Variants in SPOCK2 observed in about 807,000 individuals in gnomAD.
SPOCK2 encodes the protein SPARC (osteonectin), cwcv and kazal like domains proteoglycan 2.
Under a neutral mutation model 60.1 loss-of-function variants are expected in SPOCK2, and 39 were observed. That is an observed-to-expected ratio of 0.65 (90% confidence interval 0.50 to 0.85). SPOCK2 has a LOEUF of 0.85. SPOCK2 is among the 40% of genes least tolerant of loss of function. The pLI is 0.00. For missense variants in SPOCK2, 523 were observed against 567.4 expected (o/e 0.92, Z 0.80); for synonymous variants, 217 against 231.5 (o/e 0.94, Z 0.57).
rs1351794715 is a variant in SPOCK2 at position 72,087,372 on chromosome 10, T to C, written c.189+768A>G. On this transcript the variant is annotated intron_variant, in intron 1 of 10. Transcript: ENST00000373109. This position sits in a 1 kb window ranked among gnomAD's most constrained non-coding sequence, Gnocchi z 4.7. Reference sequence around the variant, plus strand: ...CCCGCCGGGGGCCCCCAAACCCAGCTTCTGGACTCTCCCCGGCTTCTCAAG... The same window carrying C: ...CCCGCCGGGGGCCCCCAAACCCAGCCTCTGGACTCTCCCCGGCTTCTCAAG... Among the ~76,000 whole-genome samples, 1 of 151,824 alleles carries C rather than the reference T, an allele frequency of 6.6e-6. No individual in the cohort carries two copies. Among genetic ancestry groups the C allele is most frequent in the African/African-American group, 2.4e-5 (1 of 41,342 alleles).
chr10:72,083,726 G>C (rs1021399963), intron 1 of SPOCK2, among the ~76,000 whole-genome samples: 49 of 152,216 alleles, frequency 3.2e-4, no homozygotes, highest in African/African-American at 1.2e-3. Context: ...AGAAGGTGGG[G>C]TGGAGGGGAG....
chr10:72,070,415 G>T lies in SPOCK2; in HGVS notation c.371C>A (p.Pro124Gln). The change falls in exon 5 of 11, where the codon CCG (proline) becomes CAG (glutamine). Residue 124 changes from proline (P) to glutamine (Q), a missense_variant. Coordinates refer to ENST00000373109, the MANE Select transcript of SPOCK2 (RefSeq NM_001244950.2). ...RKKLEHRIKQ[P>Q]TVKLHGNKDS... ...TTTGTTTCCATGGAGTTTCACGGTCGGCTGCTTGATCCTACAGGAGAGGGT... is the reference window on the plus strand; with the variant it reads ...TTTGTTTCCATGGAGTTTCACGGTCTGCTGCTTGATCCTACAGGAGAGGGT... 2 of 1,614,124 alleles carry T rather than the reference G, an allele frequency of 1.2e-6. No individual in the cohort carries two copies. Among genetic ancestry groups the T allele is most frequent in the Non-Finnish European group, 1.7e-6 (2 of 1,179,990 alleles).
chr10:72,086,455 A>G (rs1840855701), intron 1 of SPOCK2: 1 of 1,053,974 alleles, frequency 9.5e-7, no homozygotes, highest in Non-Finnish European at 1.1e-6. Context: ...TCTGACCTTC[A>G]CTGGTCCCAT....
chr10:72,078,831 C>T (rs1034871337), intron 1 of SPOCK2, among the ~76,000 whole-genome samples: 3 of 152,182 alleles, frequency 2.0e-5, no homozygotes, highest in Admixed American at 6.5e-5. Context: ...CTGTGCCTCA[C>T]AGAAGTCTAC....
intron 2 of SPOCK2, 121 bp from the exon 3 acceptor site, chr10:72,072,669 G>C (rs750993093): frequency 3.4e-6 from 5 of 1,472,264 alleles, no homozygotes; most frequent in Non-Finnish European, 4.7e-6. Context: ...CCGTCATCCT[G>C]GTGGCTGACC....
In SPOCK2 at chr10:72,068,181, C is replaced by G; in HGVS notation, c.589+6G>C. The G allele has an allele frequency of 5.0e-6, 8 of 1,606,786 alleles. No homozygotes were observed. The highest frequency in any genetic ancestry group is 6.8e-6 in the Non-Finnish European group (8 of 1,177,038). ...CCCTAGCCTGGTGGCCCAGCACTGT[C>G]CTCACCTGGTTTGCCATCGGCGGTG... On this transcript the variant is annotated splice_donor_region_variant and intron_variant, in intron 6 of 10. Coordinates refer to ENST00000373109, the MANE Select transcript of SPOCK2 (RefSeq NM_001244950.2).
chr10:72,059,288 T>C lies in SPOCK2; in HGVS notation c.*3472A>G, dbSNP rs3824621. On this transcript the variant is annotated 3_prime_UTR_variant, in exon 11 of 11. Coordinates refer to ENST00000373109, the MANE Select transcript of SPOCK2 (RefSeq NM_001244950.2). The stretch of plus-strand genomic sequence containing the variant: ...CACAGTCTAACACTTTGTTTTTCAA[T>C]TTTTTAAAAGACATCTAAAATTACT... 0.13 allele frequency: 19,728 copies of C among 152,622 alleles called. 3,564 individuals are homozygous for C. Among genetic ancestry groups the C allele is most frequent in the African/African-American group, 0.4 (16,459 of 41,452 alleles). The allele number at this position is 152,622 out of a possible 1,614,324, so 9.5% of individuals were successfully genotyped here.
intron 1 of SPOCK2, chr10:72,086,641 G>A (rs1028572688): frequency 8.2e-6 from 10 of 1,224,060 alleles, no homozygotes; most frequent in East Asian, 5.1e-5. Flanking sequence ...GGAAGGCCTC[G>A]CGGGGCTCCA....
chr10:72,086,051 C>G (rs946278413), intron 1 of SPOCK2, among the ~76,000 whole-genome samples: 2 of 152,210 alleles, frequency 1.3e-5, no homozygotes, highest in Non-Finnish European at 2.9e-5. Flanking sequence ...AGGGCCAGGC[C>G]CTCTTGCCCA....
At chr10:72,086,492 C>T (rs1589127190) in intron 1 of SPOCK2, 2 of 1,071,696 alleles carry the variant, frequency 1.9e-6, no homozygotes, top group Non-Finnish European at 2.3e-6. Flanking sequence ...GCCAGCGAGT[C>T]GGAGGGAGGC....
chr10:72,065,104 T>C (rs796173919), intron 8 of SPOCK2, among the ~76,000 whole-genome samples: 5 of 116,032 alleles, frequency 4.3e-5, no homozygotes, highest in Admixed American at 1.7e-4. Context: ...GGCACGATCT[T>C]GGCTCACTGC....
At chr10:72,084,805 A>G (rs1668153) in intron 1 of SPOCK2, among the ~76,000 whole-genome samples, 83,766 of 151,950 alleles carry the variant, frequency 0.55, 25,321 homozygotes, top group African/African-American at 0.81. Flanking sequence ...TATCTCCCAG[A>G]TCCTTGAGAG....
chr10:72,072,761 C>G, intron 2 of SPOCK2, 141 bp downstream of exon 2: 1 of 1,410,326 alleles, frequency 7.1e-7, no homozygotes, highest in African/African-American at 1.4e-5. Context: ...TCCAGCCTCT[C>G]CCGTGAGCTC....
At position 72,067,115 on chromosome 10, in the gene SPOCK2, C is replaced by G; in HGVS notation, c.715G>C (p.Asp239His). The change falls in exon 8 of 11, where the codon GAC (aspartate) becomes CAC (histidine). Residue 239 changes from aspartate (D) to histidine (H), a missense_variant. Asp to His is a moderately conservative substitution (Grantham distance 81, BLOSUM62 -1). Coordinates refer to ENST00000373109, the MANE Select transcript of SPOCK2 (RefSeq NM_001244950.2). Reference protein sequence around the residue: ...SSVAGPASGLDKSLGASCKDS... With the variant: ...SSVAGPASGLHKSLGASCKDS... ...TTGCAGCTGGCCCCCAGGCTCTTGT[C>G]CAGCCCTGGGAAAAGATCAGGTTCA... The G allele has an allele frequency of 1.2e-6, 2 of 1,613,450 alleles. No individual in the cohort carries two copies.
intron 1 of SPOCK2, among the ~76,000 whole-genome samples, chr10:72,078,668 G>A (rs927328339): frequency 6.6e-6 from 1 of 151,966 alleles, no homozygotes. Context: ...CCAGCTCCAG[G>A]TCCTTCCTGC....
intron 1 of SPOCK2, among the ~76,000 whole-genome samples, chr10:72,077,097 C>T (rs80244551): frequency 0.011 from 1,746 of 152,174 alleles, 43 homozygotes; most frequent in African/African-American, 0.04. Context: ...GTGACTGCAC[C>T]TTAGAATCAG....
rs1840500167 is a variant in SPOCK2 at position 72,062,175 on chromosome 10, TGGGAG to T, written c.*580_*584del. 1 of 152,816 alleles carries T rather than the reference TGGGAG, an allele frequency of 6.5e-6. No individual in the cohort carries two copies. The highest frequency in any genetic ancestry group is 2.4e-5 in the African/African-American group (1 of 41,444). 9.5% of individuals were successfully genotyped at this position (152,816 alleles called of 1,614,324 possible). ...ATGTCACACCACATCGGCCCAGTTT[TGGGAG>T]GACCTCAGCTGGTAGACAGCTCCCT... On this transcript the variant is annotated 3_prime_UTR_variant, in exon 11 of 11. Transcript: ENST00000373109. The surrounding 1 kb of genome is among the most constrained non-coding windows in gnomAD (Gnocchi z 4.3).
intron 2 of SPOCK2, 146 bp from the exon 3 acceptor site, chr10:72,072,694 C>A: frequency 7.3e-7 from 1 of 1,369,300 alleles, no homozygotes; most frequent in Non-Finnish European, 1.0e-6. Context: ...TCCACCCAGG[C>A]CCTGCCAGCT....
intron 1 of SPOCK2, among the ~76,000 whole-genome samples, chr10:72,076,807 TA>T (rs1051356851): frequency 5.3e-5 from 8 of 152,088 alleles, no homozygotes; most frequent in African/African-American, 1.9e-4. Flanking sequence ...TCAGAGCCAA[TA>T]GGATCAACAC....
Sources: gnomAD v4.1 joint callset for allele counts (sites outside exome capture counted in the v4.1 genomes callset) on GRCh38, gnomAD v4.1.1 for gene constraint, Gnocchi (gnomAD v3.1) non-coding constraint, MANE v1.5 for transcripts, NCBI Gene and HGNC (gene_info 2026-07-23, HGNC 2026-07-21) for gene names.